RHOJ: variants seen among roughly 807,000 people sequenced by gnomAD.
RHOJ encodes rho-related GTP-binding protein RhoJ.
In RHOJ, 11 loss-of-function variants were observed where a neutral mutation model predicts 23.4. That is an observed-to-expected ratio of 0.47 (90% CI 0.30 to 0.78). The LOEUF (loss-of-function observed/expected upper bound fraction) is 0.78. RHOJ is among the 30% of genes least tolerant of loss of function. The probability of loss-of-function intolerance (pLI) is 0.08; values close to 1 mark genes in which losing one functional copy is unlikely to be tolerated. For synonymous variants in RHOJ, 102 were observed against 102.7 expected, an observed-to-expected ratio of 0.99 and a Z score of 0.04; for missense variants, 254 against 273.4, an observed-to-expected ratio of 0.93 and a Z score of 0.50.
chr14:63,233,343 T>A (rs1393883989), intron 1 of RHOJ, among the ~76,000 whole-genome samples: 2 of 152,174 alleles, frequency 1.3e-5, no homozygotes, highest in Admixed American at 1.3e-4. Flanking sequence ...ATTAAAATAT[T>A]CTGAAATGTA....
At chr14:63,240,859 T>C (rs924757873) in intron 1 of RHOJ, among the ~76,000 whole-genome samples, 1 of 152,226 alleles carries the variant, frequency 6.6e-6, no homozygotes, top group African/African-American at 2.4e-5. Flanking sequence ...TATAATAGGA[T>C]TCCACTGTAT....
chr14:63,274,723 G>GCTAATT (rs1384341398), intron 2 of RHOJ, among the ~76,000 whole-genome samples: 2 of 152,112 alleles, frequency 1.3e-5, no homozygotes, highest in African/African-American at 4.8e-5. Context: ...TCATTTTATG[G>GCTAATT]ATAAGGAAAG....
intron 1 of RHOJ, among the ~76,000 whole-genome samples, chr14:63,225,212 A>G (rs1158120697): frequency 1.3e-5 from 2 of 152,100 alleles, no homozygotes; most frequent in African/African-American, 2.4e-5. Context: ...CGGCCTCCCA[A>G]AGTGCTGAGA....
At chr14:63,256,270 C>CG (rs978716343) in intron 1 of RHOJ, among the ~76,000 whole-genome samples, 2 of 152,162 alleles carry the variant, frequency 1.3e-5, no homozygotes, top group East Asian at 1.9e-4. Flanking sequence ...ATATGCCAAC[C>CG]GGGGGCCGGC....
intron 4 of RHOJ, among the ~76,000 whole-genome samples, chr14:63,286,691 A>T (rs1276841936): frequency 6.6e-6 from 1 of 152,242 alleles, no homozygotes; most frequent in Non-Finnish European, 1.5e-5. Flanking sequence ...TCATCAACAG[A>T]AACTGTTAAA....
At chr14:63,268,070 C>T (rs1394913813) in intron 1 of RHOJ, among the ~76,000 whole-genome samples, 1 of 152,162 alleles carries the variant, frequency 6.6e-6, no homozygotes, top group African/African-American at 2.4e-5. Context: ...TAAAAGATTG[C>T]TATTCAGTTT....
intron 1 of RHOJ, among the ~76,000 whole-genome samples, chr14:63,221,741 G>T (rs1894498246): frequency 6.6e-6 from 1 of 152,152 alleles, no homozygotes; most frequent in South Asian, 2.1e-4. Flanking sequence ...AGAAGATTTC[G>T]GTGTGAGTGG....
chr14:63,251,609 C>A (rs1163489894), intron 1 of RHOJ, among the ~76,000 whole-genome samples: 2 of 152,204 alleles, frequency 1.3e-5, no homozygotes, highest in African/African-American at 4.8e-5. Flanking sequence ...TCAGATGATT[C>A]TCTCACTCCA....
intron 1 of RHOJ, among the ~76,000 whole-genome samples, chr14:63,226,453 T>C (rs8012663): frequency 0.84 from 126,732 of 151,596 alleles, 53,883 homozygotes; most frequent in Middle Eastern, 0.96. Context: ...GAAAACACAT[T>C]AAGGGTTATG....
intron 1 of RHOJ, among the ~76,000 whole-genome samples, chr14:63,231,997 A>ACATGTG (rs1291652005): frequency 6.6e-6 from 1 of 152,214 alleles, no homozygotes; most frequent in Non-Finnish European, 1.5e-5. Flanking sequence ...TATGGTGCAC[A>ACATGTG]CATGTGTGAC....
chr14:63,278,533 C>T (rs987389908), intron 2 of RHOJ, among the ~76,000 whole-genome samples: 13 of 151,670 alleles, frequency 8.6e-5, no homozygotes, highest in South Asian at 6.2e-4. Flanking sequence ...CCCATCAACC[C>T]GTTATCTAAT....
At position 63,253,938 on chromosome 14, in the gene RHOJ, C is replaced by A. The variant is rs369605852; in HGVS notation, c.179-15172C>A. On this transcript the variant is annotated intron_variant, in intron 1 of 4. Transcript: ENST00000316754. The stretch of plus-strand genomic sequence containing the variant: ...TGTTCTGTTTTTTTCTCTGTCTCTT[C>A]GCTGGGAGTCAGATTTGGAAGCAGA... Among the ~76,000 whole-genome samples, 5 of 152,256 alleles carry A rather than the reference C, an allele frequency of 3.3e-5. No individual in the cohort carries two copies. The East Asian group carries it at 5.8e-4, about 18-fold the overall frequency.
In RHOJ at chr14:63,204,903, G is replaced by T; in HGVS notation, c.34G>T (p.Gly12Cys). ...CAAAGAGGGAACTGACAGCAGCTGCGGCTGCAGGGGCAACGACGAGAAGAA... is the reference window on the plus strand; with the variant it reads ...CAAAGAGGGAACTGACAGCAGCTGCTGCTGCAGGGGCAACGACGAGAAGAA... ...NCKEGTDSSC[G>C]CRGNDEKKML... The change falls in exon 1 of 5, where the codon GGC (glycine) becomes TGC (cysteine). Residue 12 changes from glycine to cysteine, a missense_variant. By Grantham distance (159) the Gly-to-Cys change is radical (BLOSUM62 -3). Transcript: ENST00000316754. 1 of 1,614,066 alleles carries T rather than the reference G, an allele frequency of 6.2e-7. No homozygotes were observed. Among genetic ancestry groups the T allele is most frequent in the Non-Finnish European group, 8.5e-7 (1 of 1,179,986 alleles).
At chr14:63,265,325 T>C (rs1566624494) in intron 1 of RHOJ, among the ~76,000 whole-genome samples, 1 of 152,210 alleles carries the variant, frequency 6.6e-6, no homozygotes, top group South Asian at 2.1e-4. Context: ...AAACATCAGA[T>C]GGCTGTGGCT....
chr14:63,225,976 G>A (rs1894587596), intron 1 of RHOJ, among the ~76,000 whole-genome samples: 1 of 152,058 alleles, frequency 6.6e-6, no homozygotes, highest in African/African-American at 2.4e-5. Flanking sequence ...TGTAACAATT[G>A]AAAGTATCAG....
chr14:63,274,236 T>C (rs913437327), intron 2 of RHOJ, among the ~76,000 whole-genome samples: 6 of 152,152 alleles, frequency 3.9e-5, no homozygotes, highest in African/African-American at 7.2e-5. Context: ...CAACCCTCTA[T>C]GGAAAGTTTG....
intron 1 of RHOJ, among the ~76,000 whole-genome samples, chr14:63,252,414 T>A (rs1425156381): frequency 1.3e-5 from 2 of 152,216 alleles, no homozygotes; most frequent in Non-Finnish European, 2.9e-5. Context: ...ATCCAAGAAC[T>A]GTCTACTGAT....
intron 2 of RHOJ, among the ~76,000 whole-genome samples, chr14:63,273,658 G>A (rs139136796): frequency 1.2e-4 from 19 of 152,340 alleles, no homozygotes; most frequent in Non-Finnish European, 1.5e-4. Context: ...ATAGTACTAA[G>A]ACAAGGTCTT....
chr14:63,282,727 G>T (rs2139665720), intron 3 of RHOJ, among the ~76,000 whole-genome samples: 1 of 150,070 alleles, frequency 6.7e-6, no homozygotes, highest in Non-Finnish European at 1.5e-5. Flanking sequence ...AAATAAACTA[G>T]TAAATAATGA....
Sources: allele counts gnomAD v4.1 joint callset (sites outside exome capture counted in the v4.1 genomes callset), GRCh38; gene constraint gnomAD v4.1.1; transcripts MANE v1.5; gene names NCBI Gene and HGNC (gene_info 2026-07-23, HGNC 2026-07-21).